Variants in WNT4 observed in about 807,000 individuals in gnomAD.
WNT4 encodes the protein protein Wnt-4.
WNT4 carries 16 observed loss-of-function variants against 34.5 expected under a neutral mutation model. The observed-to-expected ratio is 0.46, with a 90% CI of 0.31 to 0.70. The LOEUF (loss-of-function observed/expected upper bound fraction) is 0.70, where lower values mean the gene tolerates loss of function less well. WNT4 is among the 30% of genes least tolerant of loss of function. The pLI is 0.04. For missense variants in WNT4, 379 were observed against 495.9 expected (o/e 0.76, Z 2.24); for synonymous variants, 200 against 211.9 (o/e 0.94, Z 0.49).
chr1:22,119,326 C>T lies in WNT4; in HGVS notation c.*724G>A, dbSNP rs542435523. The T allele has an allele frequency of 6.5e-6, 1 of 153,754 alleles. No homozygotes were observed. Among genetic ancestry groups the T allele is most frequent in the South Asian group, 2.0e-4 (1 of 4,886 alleles). 9.5% of individuals were successfully genotyped at this position (153,754 alleles called of 1,614,324 possible). On this transcript the variant is annotated 3_prime_UTR_variant, in exon 5 of 5. Coordinates refer to ENST00000290167, the MANE Select transcript of WNT4 (RefSeq NM_030761.5). ...TGGTCCAGGATGGCAGCCTATATGCCTGCCTAGGTGGGTCTGGGGAGTGGT... is the reference window on the plus strand; with the variant it reads ...TGGTCCAGGATGGCAGCCTATATGCTTGCCTAGGTGGGTCTGGGGAGTGGT...
Position 22,140,946 on chromosome 1 carries a change from C to T in WNT4, c.77+1900G>A, listed in dbSNP as rs1180752458. 6.6e-6 allele frequency among the ~76,000 whole-genome samples: 1 copy of T among 152,242 alleles called. No individual in the cohort carries two copies. On this transcript the variant is annotated intron_variant, in intron 1 of 4. Transcript: ENST00000290167. The surrounding 1 kb of genome is among the most constrained non-coding windows in gnomAD (Gnocchi z 5.9). ...AGTTGTTGGAATTCCCCACAGTTTG[C>T]ATGATCCAAAGCCGAGGCTGCCTTC...
At chr1:22,130,528 GCA>G (rs1414024941) in intron 1 of WNT4, among the ~76,000 whole-genome samples, 4 of 152,394 alleles carry the variant, frequency 2.6e-5, no homozygotes, top group African/African-American at 9.6e-5. Flanking sequence ...GGCTTGCCCA[GCA>G]CACTGAGTCT....
At chr1:22,121,157 G>GC (rs1645894624) in intron 4 of WNT4, 54 bp downstream of exon 4, 2 of 1,610,220 alleles carry the variant, frequency 1.2e-6, no homozygotes, top group Non-Finnish European at 1.7e-6. Flanking sequence ...AGAGTCTGGG[G>GC]CCCTGCCCAT....
intron 2 of WNT4, chr1:22,127,241 G>C (rs1274827435): frequency 2.0e-6 from 1 of 492,092 alleles, no homozygotes; most frequent in East Asian, 6.2e-5. Context: ...GTCCAGAGCA[G>C]GTACCACCCA....
intron 1 of WNT4, among the ~76,000 whole-genome samples, chr1:22,138,483 G>A (rs938470086): frequency 1.3e-5 from 2 of 152,110 alleles, no homozygotes; most frequent in African/African-American, 4.8e-5. Flanking sequence ...CTATCTAGCC[G>A]GTAAAGGTCA....
Position 22,137,824 on chromosome 1 carries a change from G to T in WNT4, c.77+5022C>A, listed in dbSNP as rs961607203. 2.0e-5 allele frequency among the ~76,000 whole-genome samples: 3 copies of T among 152,182 alleles called. No homozygotes were observed. The highest frequency in any genetic ancestry group is 7.2e-5 in the African/African-American group (3 of 41,424). On this transcript the variant is annotated intron_variant, in intron 1 of 4. Coordinates refer to ENST00000290167, the MANE Select transcript of WNT4 (RefSeq NM_030761.5). This position sits in a 1 kb window ranked among gnomAD's most constrained non-coding sequence, Gnocchi z 5.3. ...GTGAGGGGCAGAGCAGCAGATCGGGGGGGCAACAGACACACTTCCTGCCAC... is the reference window on the plus strand; with the variant it reads ...GTGAGGGGCAGAGCAGCAGATCGGGTGGGCAACAGACACACTTCCTGCCAC...
chr1:22,122,753 C>CA (rs1645911471), intron 2 of WNT4, among the ~76,000 whole-genome samples: 5 of 152,228 alleles, frequency 3.3e-5, no homozygotes, highest in Non-Finnish European at 1.5e-5. Flanking sequence ...CCCCAGGGAG[C>CA]AGTCACCGTG....
intron 2 of WNT4, among the ~76,000 whole-genome samples, chr1:22,126,298 G>A (rs765208205): frequency 9.9e-5 from 15 of 152,132 alleles, no homozygotes; most frequent in South Asian, 6.2e-4. Flanking sequence ...GCCCTGAGCC[G>A]TGTGGGGGTC....
At chr1:22,120,594 C>G (rs1389241670) in intron 4 of WNT4, 77 bp from the exon 5 acceptor site, 1 of 1,458,568 alleles carries the variant, frequency 6.9e-7, no homozygotes, top group Non-Finnish European at 9.3e-7. Flanking sequence ...AGGCTGACAG[C>G]CGAGCATCGG....
intron 1 of WNT4, 52 bp from the exon 2 acceptor site, chr1:22,129,903 C>T (rs2124119104): frequency 6.3e-7 from 1 of 1,595,634 alleles, no homozygotes; most frequent in South Asian, 1.1e-5. Context: ...TCTTTCCTGG[C>T]CCCGGACCAG....
intron 2 of WNT4, among the ~76,000 whole-genome samples, chr1:22,129,127 A>G (rs1645962627): frequency 6.6e-6 from 1 of 152,100 alleles, no homozygotes; most frequent in African/African-American, 2.4e-5. Context: ...GAGGTGCACA[A>G]TAGGGTTGTT....
In WNT4 at chr1:22,142,420, C is replaced by T. The variant is rs1445070092; in HGVS notation, c.77+426G>A. Among the ~76,000 whole-genome samples the T allele has an allele frequency of 6.7e-6, 1 of 150,236 alleles. No homozygotes were observed. The highest frequency in any genetic ancestry group is 1.5e-5 in the Non-Finnish European group (1 of 66,760). On this transcript the variant is annotated intron_variant, in intron 1 of 4. Coordinates refer to ENST00000290167, the MANE Select transcript of WNT4 (RefSeq NM_030761.5). This position sits in a 1 kb window ranked among gnomAD's most constrained non-coding sequence, Gnocchi z 6.0. The stretch of plus-strand genomic sequence containing the variant: ...TCGGCGCAGCTCGGCGCTGGGAGCT[C>T]GCTCCGGACTTCTCGGGATTAACCT...
intron 2 of WNT4, among the ~76,000 whole-genome samples, chr1:22,126,075 G>A (rs745546537): frequency 3.3e-5 from 5 of 152,156 alleles, no homozygotes; most frequent in Admixed American, 2.0e-4. Flanking sequence ...TACCTGCTCA[G>A]CCAAGAACCA....
intron 2 of WNT4, among the ~76,000 whole-genome samples, chr1:22,128,769 G>A (rs1449459643): frequency 1.3e-5 from 2 of 151,756 alleles, no homozygotes; most frequent in Non-Finnish European, 2.9e-5. Flanking sequence ...TCCCAGGCTG[G>A]AGTGCAGTGG....
intron 1 of WNT4, among the ~76,000 whole-genome samples, chr1:22,135,246 T>C (rs74059908): frequency 0.036 from 5,521 of 152,254 alleles, 317 homozygotes; most frequent in African/African-American, 0.12. Context: ...CTGCAATCAA[T>C]AGTCACGTGC....
In WNT4 at chr1:22,119,725, GTTACTCCACC is replaced by G; in HGVS notation, c.*315_*324del. 1 of 455,762 alleles carries G rather than the reference GTTACTCCACC, an allele frequency of 2.2e-6. No individual in the cohort carries two copies. The highest frequency in any genetic ancestry group is 2.2e-5 in the South Asian group (1 of 45,278). The allele number at this position is 455,762 out of a possible 1,614,324, so 28.2% of individuals were successfully genotyped here. ...TAGCCATGTGGTGGTAATACTCCTT[GTTACTCCACC>G]TTAGGTCTGCAAGTAGAAAAACGGA... On this transcript the variant is annotated 3_prime_UTR_variant, in exon 5 of 5. Coordinates refer to ENST00000290167, the MANE Select transcript of WNT4 (RefSeq NM_030761.5).
At chr1:22,123,476 A>T (rs1291248195) in intron 2 of WNT4, among the ~76,000 whole-genome samples, 1 of 152,180 alleles carries the variant, frequency 6.6e-6, no homozygotes, top group Non-Finnish European at 1.5e-5. Context: ...GAAGGAAGAG[A>T]TTCTGGAAGG....
intron 1 of WNT4, among the ~76,000 whole-genome samples, chr1:22,136,500 C>G (rs573804873): frequency 1.3e-5 from 2 of 152,158 alleles, no homozygotes; most frequent in Admixed American, 6.5e-5. Context: ...GTGAGTTCAT[C>G]GGCCTTGGGG....
Position 22,119,997 on chromosome 1 carries a change from A to C in WNT4, c.*53T>G. 2 of 1,587,530 alleles carry C rather than the reference A, an allele frequency of 1.3e-6. No individual in the cohort carries two copies. The highest frequency in any genetic ancestry group is 2.2e-5 in the South Asian group (2 of 89,998). ...TAGGTGGTGGGAGACTGTTTAAATT[A>C]TCGGCCTTCCCTGGGCCACTAGGTG... On this transcript the variant is annotated 3_prime_UTR_variant, in exon 5 of 5. Coordinates refer to ENST00000290167, the MANE Select transcript of WNT4 (RefSeq NM_030761.5).
Sources: gnomAD v4.1 joint callset for allele counts (sites outside exome capture counted in the v4.1 genomes callset) on GRCh38, gnomAD v4.1.1 for gene constraint, Gnocchi (gnomAD v3.1) non-coding constraint, MANE v1.5 for transcripts, NCBI Gene and HGNC (gene_info 2026-07-23, HGNC 2026-07-21) for gene names.